The following DLGAP2 variants were observed in gnomAD, a reference collection of about 807,000 sequenced individuals.
DLGAP2 encodes DLG associated protein 2.
DLGAP2 carries 26 observed loss-of-function variants against 100.3 expected under a neutral mutation model. That is an observed-to-expected ratio of 0.26 (90% CI 0.19 to 0.36). The LOEUF (loss-of-function observed/expected upper bound fraction) is 0.36, where lower values mean the gene tolerates loss of function less well. Ranked by LOEUF, DLGAP2 falls within the 10% of genes least tolerant of loss-of-function variation. DLGAP2 has a pLI of 1.00. For synonymous variants in DLGAP2, 886 were observed against 630.1 expected (o/e 1.41, Z -6.08); for missense variants, 1,858 against 1,453.2 (o/e 1.28, Z -4.53).
chr8:1,616,443 A>T (rs1036495384), intron 6 of DLGAP2, among the ~76,000 whole-genome samples: 16 of 152,336 alleles, frequency 1.1e-4, no homozygotes, highest in Middle Eastern at 3.4e-3. Flanking sequence ...ACCTAGCCAC[A>T]AAATAGTTAA....
At chr8:1,374,891 C>A (rs1192072280) in intron 3 of DLGAP2, among the ~76,000 whole-genome samples, 1 of 152,172 alleles carries the variant, frequency 6.6e-6, no homozygotes, top group Non-Finnish European at 1.5e-5. Flanking sequence ...CCGTGACTCG[C>A]CTGTTTCACG....
intron 2 of DLGAP2, among the ~76,000 whole-genome samples, chr8:1,049,188 C>G (rs1352269367): frequency 6.6e-6 from 1 of 152,202 alleles, no homozygotes; most frequent in Non-Finnish European, 1.5e-5. Context: ...AGACTTCATC[C>G]TCATTGTCTC....
At chr8:1,652,690 A>G (rs1384744555) in intron 8 of DLGAP2, among the ~76,000 whole-genome samples, 2 of 152,112 alleles carry the variant, frequency 1.3e-5, no homozygotes, top group East Asian at 3.9e-4. Context: ...TGTAAAACTT[A>G]TTTTCATTCC....
At chr8:1,419,989 C>T (rs1265850808) in intron 3 of DLGAP2, among the ~76,000 whole-genome samples, 1 of 152,194 alleles carries the variant, frequency 6.6e-6, no homozygotes, top group East Asian at 1.9e-4. Flanking sequence ...GACTACAGTT[C>T]AGCTGTAAAA....
intron 1 of DLGAP2, among the ~76,000 whole-genome samples, chr8:857,055 A>C (rs1206013926): frequency 6.6e-6 from 1 of 152,220 alleles, no homozygotes; most frequent in Admixed American, 6.5e-5. Flanking sequence ...GAGGGTCCAG[A>C]GACAGACCCA....
At chr8:1,312,626 C>G (rs116060646) in intron 3 of DLGAP2, among the ~76,000 whole-genome samples, 1 of 152,084 alleles carries the variant, frequency 6.6e-6, no homozygotes, top group South Asian at 2.1e-4. Flanking sequence ...TATTTAATGA[C>G]GCATAATTAC....
At chr8:1,222,204 T>TG (rs1798329017) in intron 2 of DLGAP2, among the ~76,000 whole-genome samples, 1 of 152,234 alleles carries the variant, frequency 6.6e-6, no homozygotes, top group African/African-American at 2.4e-5. Flanking sequence ...CTCATCTGTG[T>TG]GGGCTGATGT....
At chr8:1,338,555 C>T (rs953468789) in intron 3 of DLGAP2, among the ~76,000 whole-genome samples, 13 of 152,170 alleles carry the variant, frequency 8.5e-5, no homozygotes, top group South Asian at 4.1e-4. Flanking sequence ...AATTACATAG[C>T]GGTGATTCTT....
chr8:996,375 G>T (rs370159983), intron 2 of DLGAP2, among the ~76,000 whole-genome samples: 15 of 152,170 alleles, frequency 9.9e-5, no homozygotes, highest in Admixed American at 6.5e-4. Context: ...AAGAAATGGC[G>T]TCTGAGCAGG....
At chr8:1,150,048 C>T (rs1395412040) in intron 2 of DLGAP2, among the ~76,000 whole-genome samples, 1 of 152,200 alleles carries the variant, frequency 6.6e-6, no homozygotes, top group Non-Finnish European at 1.5e-5. Context: ...GATTTAGTGA[C>T]CCACATATTC....
intron 1 of DLGAP2, among the ~76,000 whole-genome samples, chr8:831,515 T>G (rs2132702156): frequency 6.6e-6 from 1 of 152,298 alleles, no homozygotes; most frequent in Non-Finnish European, 1.5e-5. Context: ...GGTTTCCAGC[T>G]TCATCCATGT....
At chr8:1,151,564 T>G (rs1204057542) in intron 2 of DLGAP2, among the ~76,000 whole-genome samples, 1 of 152,182 alleles carries the variant, frequency 6.6e-6, no homozygotes, top group Non-Finnish European at 1.5e-5. Context: ...TTCCGGTTGT[T>G]CTTTGCCTGG....
At chr8:1,204,413 G>A (rs778821254) in intron 2 of DLGAP2, among the ~76,000 whole-genome samples, 32 of 152,258 alleles carry the variant, frequency 2.1e-4, no homozygotes, top group Non-Finnish European at 4.4e-4. Context: ...AGGTGTGAGT[G>A]ACGGTGGACC....
chr8:1,374,712 T>G (rs1012449650), intron 3 of DLGAP2, among the ~76,000 whole-genome samples: 1 of 152,222 alleles, frequency 6.6e-6, no homozygotes, highest in African/African-American at 2.4e-5. Flanking sequence ...TGACTTTGTT[T>G]TACTTTGCAT....
chr8:1,249,680 G>C (rs1040902580), intron 2 of DLGAP2, among the ~76,000 whole-genome samples: 1 of 152,172 alleles, frequency 6.6e-6, no homozygotes, highest in Non-Finnish European at 1.5e-5. Context: ...CATGGAGCTG[G>C]TGAGACTGGA....
chr8:1,480,356 CTCTG>C (rs1245619892), intron 3 of DLGAP2, among the ~76,000 whole-genome samples: 1 of 152,174 alleles, frequency 6.6e-6, no homozygotes, highest in South Asian at 2.1e-4. Flanking sequence ...TCAGTGCTGA[CTCTG>C]TCTTTCTTCC....
At chr8:1,634,806 A>T (rs1201555992) in intron 8 of DLGAP2, among the ~76,000 whole-genome samples, 1 of 152,218 alleles carries the variant, frequency 6.6e-6, no homozygotes, top group African/African-American at 2.4e-5. Context: ...AATAAAACAG[A>T]TTTCACAGAG....
chr8:1,314,900 CAT>C (rs1427009878), intron 3 of DLGAP2, among the ~76,000 whole-genome samples: 6 of 152,206 alleles, frequency 3.9e-5, no homozygotes, highest in East Asian at 3.8e-4. Context: ...AAAAATACTA[CAT>C]GTTTCCTTTT....
chr8:1,258,988 TTGAGGACGCAGTC>T (rs1275916144), intron 3 of DLGAP2, 105 bp downstream of exon 3: 1 of 971,608 alleles, frequency 1.0e-6, no homozygotes, highest in Non-Finnish European at 1.3e-6. Context: ...ACCTTGAACA[TTGAGGACGCAGTC>T]TGTGTGCTGT....
Sources: allele counts gnomAD v4.1 joint callset (sites outside exome capture counted in the v4.1 genomes callset), GRCh38; gene constraint gnomAD v4.1.1; transcripts MANE v1.5; gene names NCBI Gene and HGNC (gene_info 2026-07-23, HGNC 2026-07-21).